The following PPARGC1A variants were observed in gnomAD, a reference collection of about 807,000 sequenced individuals.
PPARGC1A encodes peroxisome proliferator-activated receptor gamma coactivator 1-alpha.
PPARGC1A carries 25 observed loss-of-function variants against 88.7 expected under a neutral mutation model. That is an observed-to-expected ratio of 0.28 (90% confidence interval 0.21 to 0.39). The LOEUF is 0.39. PPARGC1A is among the 10% of genes least tolerant of loss of function. PPARGC1A has a pLI of 1.00. For synonymous variants in PPARGC1A, 363 were observed against 355.6 expected (o/e 1.02, Z -0.24); for missense variants, 880 against 968.7 (o/e 0.91, Z 1.22).
chr4:24,441,873 T>C, the PPARGC1A span, among the ~76,000 whole-genome samples: 3 of 152,256 alleles, frequency 2.0e-5, no homozygotes, highest in Non-Finnish European at 4.4e-5. Flanking sequence ...TGCTGCTCCC[T>C]GATTTAAGCA....
the PPARGC1A span, among the ~76,000 whole-genome samples, chr4:24,338,682 C>T: frequency 6.6e-6 from 1 of 152,068 alleles, no homozygotes; most frequent in Non-Finnish European, 1.5e-5. Context: ...AACGTTCACC[C>T]ATCAATCCTG....
the PPARGC1A span, among the ~76,000 whole-genome samples, chr4:24,016,040 T>A: frequency 6.6e-6 from 1 of 152,124 alleles, no homozygotes; most frequent in South Asian, 2.1e-4. Context: ...TCACTGCCAA[T>A]AGAGTGGTGC....
chr4:24,071,829 T>C, the PPARGC1A span, among the ~76,000 whole-genome samples: 4 of 152,176 alleles, frequency 2.6e-5, no homozygotes, highest in African/African-American at 4.8e-5. Context: ...TGGTTTCTTT[T>C]TGATGTAACG....
chr4:23,931,805 A>C, the PPARGC1A span, among the ~76,000 whole-genome samples: 1 of 152,210 alleles, frequency 6.6e-6, no homozygotes, highest in East Asian at 1.9e-4. Context: ...TCAGTAGCTC[A>C]TGGGAAGCCA....
the PPARGC1A span, among the ~76,000 whole-genome samples, chr4:24,255,937 G>A: frequency 1.6e-4 from 24 of 152,258 alleles, no homozygotes; most frequent in Admixed American, 1.4e-3. Context: ...TGAGAAGACA[G>A]CCTTAATAGC....
At chr4:23,933,068 G>A in the PPARGC1A span, among the ~76,000 whole-genome samples, 1 of 152,174 alleles carries the variant, frequency 6.6e-6, no homozygotes, top group Non-Finnish European at 1.5e-5. Flanking sequence ...AGGAATTCGG[G>A]CCAGCCAATG....
the PPARGC1A span, among the ~76,000 whole-genome samples, chr4:24,206,916 TTTGA>T: frequency 6.6e-6 from 1 of 151,434 alleles, no homozygotes. Flanking sequence ...TAAATTTTCC[TTTGA>T]TTTTTATATT....
the PPARGC1A span, among the ~76,000 whole-genome samples, chr4:24,300,265 T>C: frequency 6.7e-6 from 1 of 149,480 alleles, no homozygotes; most frequent in Non-Finnish European, 1.5e-5. Context: ...ACGAATTTAC[T>C]ACTGCTTTTA....
At chr4:23,876,715 T>TA (rs1418728322) in intron 2 of PPARGC1A, among the ~76,000 whole-genome samples, 6 of 151,868 alleles carry the variant, frequency 4.0e-5, no homozygotes, top group Non-Finnish European at 7.4e-5. Flanking sequence ...AGTGAAGCTT[T>TA]AAAAAAGCTA....
chr4:24,204,323 C>T, the PPARGC1A span, among the ~76,000 whole-genome samples: 1 of 152,172 alleles, frequency 6.6e-6, no homozygotes, highest in Admixed American at 6.5e-5. Context: ...TAGTTGGCTG[C>T]ACCACTGGAA....
the PPARGC1A span, among the ~76,000 whole-genome samples, chr4:24,223,863 CT>C: frequency 6.6e-6 from 1 of 152,152 alleles, no homozygotes; most frequent in Non-Finnish European, 1.5e-5. Context: ...GTTTTCCTTC[CT>C]TCACTTAGCA....
At chr4:23,828,704 C>A in intron 4 of PPARGC1A, 100 bp from the exon 5 acceptor site, 1 of 1,055,388 alleles carries the variant, frequency 9.5e-7, no homozygotes, top group Non-Finnish European at 1.4e-6. Flanking sequence ...ATGAAGTGTT[C>A]AGTCTAAGTG....
chr4:24,216,762 C>T, the PPARGC1A span, among the ~76,000 whole-genome samples: 1 of 152,052 alleles, frequency 6.6e-6, no homozygotes, highest in South Asian at 2.1e-4. Flanking sequence ...AAATCTTACA[C>T]AAGAGGGAAT....
the PPARGC1A span, among the ~76,000 whole-genome samples, chr4:23,913,265 TATAGAGAGAGAG>T: frequency 0.012 from 708 of 58,724 alleles, 3 homozygotes; most frequent in Non-Finnish European, 0.016. Context: ...TATATATATA[TATAGAGAGAGAG>T]AGAGAGAGAG....
intron 4 of PPARGC1A, among the ~76,000 whole-genome samples, chr4:23,828,854 A>G (rs1483152815): frequency 1.3e-5 from 2 of 152,180 alleles, no homozygotes; most frequent in Non-Finnish European, 2.9e-5. Flanking sequence ...CATGTAACTA[A>G]CAAGACCCTA....
the PPARGC1A span, among the ~76,000 whole-genome samples, chr4:24,324,495 C>T: frequency 6.6e-6 from 1 of 152,114 alleles, no homozygotes; most frequent in Non-Finnish European, 1.5e-5. Flanking sequence ...AAGCTTCCAC[C>T]TTCCATTCCT....
At chr4:23,969,269 C>T in the PPARGC1A span, among the ~76,000 whole-genome samples, 275 of 152,228 alleles carry the variant, frequency 1.8e-3, 1 homozygote, top group African/African-American at 5.8e-3. Context: ...TTACTGTGTA[C>T]GCTGTTCTAA....
chr4:23,998,503 G>T, the PPARGC1A span, among the ~76,000 whole-genome samples: 1 of 152,050 alleles, frequency 6.6e-6, no homozygotes, highest in Non-Finnish European at 1.5e-5. Context: ...ATCAAAGAGA[G>T]AGTAAAGTAA....
At chr4:23,838,814 T>C (rs898846649) in intron 2 of PPARGC1A, among the ~76,000 whole-genome samples, 6 of 152,204 alleles carry the variant, frequency 3.9e-5, no homozygotes, top group African/African-American at 1.4e-4. Flanking sequence ...CACAAGTTTA[T>C]ATCTCAAGCA....
Sources: allele counts gnomAD v4.1 joint callset (sites outside exome capture counted in the v4.1 genomes callset), GRCh38; gene constraint gnomAD v4.1.1; transcripts MANE v1.5; gene names NCBI Gene and HGNC (gene_info 2026-07-23, HGNC 2026-07-21).